Variants in IQSEC1 observed in about 807,000 individuals in gnomAD.
The protein encoded by IQSEC1 is IQ motif and SEC7 domain-containing protein 1.
A neutral mutation model predicts 91.0 loss-of-function variants in IQSEC1; 31 were observed. The observed-to-expected ratio is 0.34, with a 90% CI of 0.26 to 0.46. IQSEC1 has a LOEUF of 0.46. Among genes scored for constraint, IQSEC1 ranks in the 20% least tolerant of loss-of-function variants. IQSEC1 has a pLI of 1.00. For missense variants in IQSEC1, 1,388 were observed against 1,575.6 expected (o/e 0.88, Z 2.02); for synonymous variants, 699 against 662.6 (o/e 1.05, Z -0.84).
At chr3:12,972,726 T>C (rs1351467777) in intron 1 of IQSEC1, among the ~76,000 whole-genome samples, 1 of 152,160 alleles carries the variant, frequency 6.6e-6, no homozygotes. Flanking sequence ...CTATAAACAC[T>C]GACACTGACC....
At chr3:13,197,580 C>T (rs767687043) in intron 1 of IQSEC1, among the ~76,000 whole-genome samples, 1 of 152,222 alleles carries the variant, frequency 6.6e-6, no homozygotes, top group African/African-American at 2.4e-5. Context: ...AGCTGCCCGC[C>T]CTATTCAGCA....
At chr3:12,933,042 T>C (rs1324994092) in intron 3 of IQSEC1, among the ~76,000 whole-genome samples, 1 of 152,156 alleles carries the variant, frequency 6.6e-6, no homozygotes, top group Non-Finnish European at 1.5e-5. Context: ...CAGAGGCCTG[T>C]GCCAGGAACG....
At chr3:13,095,020 C>T (rs1342640913) in intron 2 of IQSEC1, among the ~76,000 whole-genome samples, 1 of 152,056 alleles carries the variant, frequency 6.6e-6, no homozygotes, top group Non-Finnish European at 1.5e-5. Flanking sequence ...GTTGGAGCCA[C>T]ACCTGGGCAA....
intron 1 of IQSEC1, among the ~76,000 whole-genome samples, chr3:13,018,224 C>T (rs980218372): frequency 1.1e-4 from 16 of 152,232 alleles, no homozygotes; most frequent in African/African-American, 2.7e-4. Context: ...CGCCCACTGG[C>T]CCTCCTGCAG....
intron 1 of IQSEC1, among the ~76,000 whole-genome samples, chr3:12,957,425 A>G (rs1333161417): frequency 6.6e-6 from 1 of 152,252 alleles, no homozygotes; most frequent in Non-Finnish European, 1.5e-5. Context: ...TTCAGAATAT[A>G]CACACGCACA....
intron 1 of IQSEC1, among the ~76,000 whole-genome samples, chr3:13,176,294 A>G (rs554292964): frequency 6.6e-6 from 1 of 152,318 alleles, no homozygotes; most frequent in South Asian, 2.1e-4. Context: ...TCAGAACTGG[A>G]GGATAACAAG....
At chr3:13,095,043 C>T (rs763326442) in intron 2 of IQSEC1, among the ~76,000 whole-genome samples, 5 of 151,994 alleles carry the variant, frequency 3.3e-5, no homozygotes, top group Non-Finnish European at 5.9e-5. Flanking sequence ...GCTATTGCAC[C>T]GAGAGCCCCC....
intron 1 of IQSEC1, among the ~76,000 whole-genome samples, chr3:12,949,988 C>A (rs1397576100): frequency 6.6e-6 from 1 of 152,228 alleles, no homozygotes; most frequent in Admixed American, 6.5e-5. Flanking sequence ...CAAGCAGGGT[C>A]TGGAAAAATC....
intron 1 of IQSEC1, among the ~76,000 whole-genome samples, chr3:13,261,660 C>A (rs1212976857): frequency 6.6e-6 from 1 of 152,028 alleles, no homozygotes. Context: ...CCTGAGCTCC[C>A]AGGGCAGAGC....
At chr3:13,223,040 A>C (rs545842774) in intron 1 of IQSEC1, among the ~76,000 whole-genome samples, 12 of 152,202 alleles carry the variant, frequency 7.9e-5, no homozygotes, top group Non-Finnish European at 1.3e-4. Flanking sequence ...CAGGTTGAGA[A>C]CTGTGGTTCT....
chr3:13,004,408 C>T (rs1002358262), intron 1 of IQSEC1, among the ~76,000 whole-genome samples: 3 of 152,168 alleles, frequency 2.0e-5, no homozygotes, highest in Non-Finnish European at 2.9e-5. Context: ...GGGGAGCGCT[C>T]TGCAGGAGGG....
At chr3:13,254,964 C>A (rs1371073827) in intron 1 of IQSEC1, among the ~76,000 whole-genome samples, 2 of 152,188 alleles carry the variant, frequency 1.3e-5, no homozygotes, top group Non-Finnish European at 2.9e-5. Context: ...GCTCCAGATC[C>A]GACAAGGCAC....
Position 13,015,211 on chromosome 3 carries a change from C to A in IQSEC1, c.23+57781G>T, listed in dbSNP as rs907990486. ...TGTAAACTGGGCATTGTCAAGAGTCCATCTTTCTCAGGGTGGTTGTGAGGG... is the reference window on the plus strand; with the variant it reads ...TGTAAACTGGGCATTGTCAAGAGTCAATCTTTCTCAGGGTGGTTGTGAGGG... On this transcript the variant is annotated intron_variant, in intron 1 of 13. Transcript: ENST00000613206. Among the ~76,000 whole-genome samples, 3 of 152,154 alleles carry A rather than the reference C, an allele frequency of 2.0e-5. No individual in the cohort carries two copies. The East Asian group carries it at 5.8e-4, about 29-fold the overall frequency.
chr3:13,228,352 G>A (rs147873735), intron 1 of IQSEC1, among the ~76,000 whole-genome samples: 45 of 152,280 alleles, frequency 3.0e-4, no homozygotes, highest in Admixed American at 1.9e-3. Context: ...GTGGGGCTTC[G>A]TGGGCTGGAA....
At chr3:12,945,961 C>T (rs1699151220) in intron 1 of IQSEC1, among the ~76,000 whole-genome samples, 1 of 152,204 alleles carries the variant, frequency 6.6e-6, no homozygotes, top group Non-Finnish European at 1.5e-5. Flanking sequence ...TTTTGCTCTA[C>T]AGCAACACTC....
At chr3:12,988,797 A>C (rs1701859895) in intron 1 of IQSEC1, among the ~76,000 whole-genome samples, 1 of 152,150 alleles carries the variant, frequency 6.6e-6, no homozygotes, top group East Asian at 1.9e-4. Flanking sequence ...ACCCTTCTCT[A>C]TGACAGGTGA....
At chr3:13,093,827 C>G (rs1047168247) in intron 2 of IQSEC1, among the ~76,000 whole-genome samples, 2 of 152,202 alleles carry the variant, frequency 1.3e-5, no homozygotes, top group Non-Finnish European at 1.5e-5. Context: ...TCCCCCTGTC[C>G]GTTCTCAGCA....
chr3:13,049,957 A>G (rs1576215252), intron 1 of IQSEC1, among the ~76,000 whole-genome samples: 1 of 152,050 alleles, frequency 6.6e-6, no homozygotes, highest in Non-Finnish European at 1.5e-5. Flanking sequence ...GGTGGATGCA[A>G]TGTGCCCTTG....
chr3:12,903,537 C>T (rs1490565793), intron 12 of IQSEC1, among the ~76,000 whole-genome samples: 1 of 152,212 alleles, frequency 6.6e-6, no homozygotes, highest in African/African-American at 2.4e-5. Flanking sequence ...AGGTCTCTGC[C>T]AGCATCTTCG....
Sources: gnomAD v4.1 joint callset for allele counts (sites outside exome capture counted in the v4.1 genomes callset) on GRCh38, gnomAD v4.1.1 for gene constraint, MANE v1.5 for transcripts, NCBI Gene and HGNC (gene_info 2026-07-23, HGNC 2026-07-21) for gene names.